EVL: variants seen among roughly 807,000 people sequenced by gnomAD.
The protein encoded by EVL is ena/VASP-like protein.
In EVL, 21 loss-of-function variants were observed where a neutral mutation model predicts 59.6. The ratio of observed to expected loss-of-function variants is 0.35; its 90% CI spans 0.25 to 0.51. The LOEUF (loss-of-function observed/expected upper bound fraction) is 0.51, where lower values mean the gene tolerates loss of function less well. Ranked by LOEUF, EVL falls within the 20% of genes least tolerant of loss-of-function variation. The pLI is 0.97. For synonymous variants in EVL, 198 were observed against 203.5 expected, an observed-to-expected ratio of 0.97 and a Z score of 0.23; for missense variants, 462 against 546.6, an observed-to-expected ratio of 0.85 and a Z score of 1.54.
At chr14:100,041,262 TG>T (rs1662333917) in intron 1 of EVL, among the ~76,000 whole-genome samples, 1 of 152,056 alleles carries the variant, frequency 6.6e-6, no homozygotes, top group Non-Finnish European at 1.5e-5. Context: ...AACTCCTAGG[TG>T]TAAGATTATG....
chr14:100,119,161 C>T (rs1241768637), intron 3 of EVL, among the ~76,000 whole-genome samples: 1 of 152,240 alleles, frequency 6.6e-6, no homozygotes, highest in Non-Finnish European at 1.5e-5. Flanking sequence ...ATTTCCCTTT[C>T]TCTTTTTCAT....
intron 2 of EVL, among the ~76,000 whole-genome samples, chr14:100,093,369 C>A (rs890594467): frequency 2.6e-5 from 4 of 152,210 alleles, no homozygotes; most frequent in South Asian, 4.1e-4. Context: ...CTGATATGAG[C>A]AACTTGTCTA....
chr14:99,983,538 G>T (rs1162399616), intron 1 of EVL, among the ~76,000 whole-genome samples: 1 of 152,184 alleles, frequency 6.6e-6, no homozygotes, highest in Admixed American at 6.5e-5. Flanking sequence ...CCCTTCTCCA[G>T]TCCTTTTCCC....
intron 1 of EVL, among the ~76,000 whole-genome samples, chr14:100,079,416 C>T (rs2062242291): frequency 6.6e-6 from 1 of 152,118 alleles, no homozygotes; most frequent in Non-Finnish European, 1.5e-5. Context: ...CTGGCTTTAC[C>T]AAGGGGAAAA....
At chr14:100,100,714 G>A (rs894937640) in intron 3 of EVL, among the ~76,000 whole-genome samples, 1 of 144,422 alleles carries the variant, frequency 6.9e-6, no homozygotes, top group Admixed American at 7.2e-5. Flanking sequence ...AGGAGGCAGA[G>A]ATTGCAGTTG....
chr14:99,986,423 T>G (rs2060841085), intron 1 of EVL, among the ~76,000 whole-genome samples: 1 of 152,040 alleles, frequency 6.6e-6, no homozygotes, highest in East Asian at 1.9e-4. Flanking sequence ...GAAAATGCTC[T>G]CCTCAATTTG....
intron 3 of EVL, among the ~76,000 whole-genome samples, chr14:100,100,818 T>G (rs1337459350): frequency 1.3e-5 from 2 of 149,236 alleles, no homozygotes; most frequent in Non-Finnish European, 3.0e-5. Flanking sequence ...AATGGAAGTA[T>G]GAACCTTCCA....
At chr14:100,110,648 G>A (rs1226590189) in intron 3 of EVL, among the ~76,000 whole-genome samples, 8 of 152,090 alleles carry the variant, frequency 5.3e-5, no homozygotes, top group Non-Finnish European at 1.0e-4. Context: ...GGTCTCCCTC[G>A]GCACATTGGT....
intron 1 of EVL, among the ~76,000 whole-genome samples, chr14:100,004,254 A>G (rs2060964418): frequency 6.6e-6 from 1 of 152,226 alleles, no homozygotes; most frequent in African/African-American, 2.4e-5. Context: ...TCAGGCCACA[A>G]CAAACAGAAC....
chr14:99,997,990 C>T (rs1325778524), intron 1 of EVL, among the ~76,000 whole-genome samples: 2 of 152,036 alleles, frequency 1.3e-5, no homozygotes, highest in African/African-American at 2.4e-5. Context: ...TTCATTCATT[C>T]AACAACTCTT....
At chr14:100,049,143 T>G (rs956281278) in intron 1 of EVL, among the ~76,000 whole-genome samples, 1 of 152,236 alleles carries the variant, frequency 6.6e-6, no homozygotes. Context: ...TTTGCATTAT[T>G]ATGTTCCTTT....
At chr14:100,100,622 G>A (rs1886148087) in intron 3 of EVL, among the ~76,000 whole-genome samples, 1 of 151,930 alleles carries the variant, frequency 6.6e-6, no homozygotes, top group Non-Finnish European at 1.5e-5. Flanking sequence ...ATCATACAGT[G>A]TGTATGATTA....
upstream of EVL, among the ~76,000 whole-genome samples, chr14:100,062,084 G>A (rs1295397049): frequency 6.6e-6 from 1 of 151,764 alleles, no homozygotes; most frequent in African/African-American, 2.4e-5. Flanking sequence ...GCTGCAGTGA[G>A]CTGTAATCAT....
chr14:100,017,318 G>GGT (rs1228683761), intron 1 of EVL, among the ~76,000 whole-genome samples: 2 of 152,184 alleles, frequency 1.3e-5, no homozygotes, highest in Non-Finnish European at 2.9e-5. Flanking sequence ...AGCAGGCACA[G>GGT]AGTCTAGAGG....
At chr14:100,133,158 A>G (rs1352717264) in intron 8 of EVL, among the ~76,000 whole-genome samples, 4 of 152,128 alleles carry the variant, frequency 2.6e-5, no homozygotes, top group African/African-American at 9.7e-5. Context: ...AAGCCCAGAG[A>G]GGTTTTTATT....
At chr14:100,027,797 C>A (rs1310215814) in intron 1 of EVL, among the ~76,000 whole-genome samples, 3 of 152,164 alleles carry the variant, frequency 2.0e-5, no homozygotes, top group Admixed American at 2.0e-4. Context: ...GCCTCAGCCT[C>A]CCAAGTAGCT....
intron 1 of EVL, among the ~76,000 whole-genome samples, chr14:100,046,579 G>A (rs1030412916): frequency 1.8e-4 from 28 of 151,828 alleles, no homozygotes; most frequent in Middle Eastern, 3.4e-3. Context: ...AGGTGGGAGG[G>A]TTGCTTGAGC....
At chr14:100,024,380 G>A (rs1595575217) in intron 1 of EVL, among the ~76,000 whole-genome samples, 2 of 152,168 alleles carry the variant, frequency 1.3e-5, no homozygotes, top group Non-Finnish European at 2.9e-5. Context: ...TCATTTTCCA[G>A]GCTCCTGTAG....
At chr14:100,015,023 C>CT (rs1164986369) in intron 1 of EVL, among the ~76,000 whole-genome samples, 3 of 152,266 alleles carry the variant, frequency 2.0e-5, no homozygotes, top group South Asian at 2.1e-4. Flanking sequence ...AAATAGAGTT[C>CT]TTTTTTTACT....
Sources: allele counts gnomAD v4.1 joint callset (sites outside exome capture counted in the v4.1 genomes callset), GRCh38; gene constraint gnomAD v4.1.1; transcripts MANE v1.5; gene names NCBI Gene and HGNC (gene_info 2026-07-23, HGNC 2026-07-21).